Variants in SQSTM1 observed in about 807,000 individuals in gnomAD.
SQSTM1 encodes sequestosome 1, also known as sequestosome-1.
A neutral mutation model predicts 45.1 loss-of-function variants in SQSTM1; 36 were observed. That is an observed-to-expected ratio of 0.80 (90% CI 0.61 to 1.05). The LOEUF (loss-of-function observed/expected upper bound fraction) is 1.05, where lower values mean the gene tolerates loss of function less well. Ranked by LOEUF, SQSTM1 falls within the 50% of genes least tolerant of loss-of-function variation. The pLI, the probability that SQSTM1 is intolerant of heterozygous loss-of-function variation, is 0.00. For synonymous variants in SQSTM1, 290 were observed against 244.3 expected (o/e 1.19, Z -1.74); for missense variants, 617 against 607.1 (o/e 1.02, Z -0.17).
rs1017204017 is a variant in SQSTM1 at position 179,806,603 on chromosome 5, G to C, written c.-157+12G>C. 73 of 1,221,992 alleles carry C rather than the reference G, an allele frequency of 6.0e-5. No individual in the cohort carries two copies. The highest frequency in any genetic ancestry group is 4.6e-4 in the Middle Eastern group (2 of 4,302). The allele number at this position is 1,221,992 out of a possible 1,614,324, so 75.7% of individuals were successfully genotyped here. ...CCTCATCTCCTCGGGTGCGCGGCGG[G>C]CGCCCGCGGGGCCGAGGCTGCATGG... On this transcript the variant is annotated intron_variant, in intron 1 of 5. Transcript: ENST00000514093. The surrounding 1 kb of genome is among the most constrained non-coding windows in gnomAD (Gnocchi z 4.6).
chr5:179,808,505 G>A (rs1179048672), intron 1 of SQSTM1: 2 of 152,216 alleles, frequency 1.3e-5, no homozygotes, highest in Admixed American at 6.5e-5. Context: ...TTGTTAATGA[G>A]TTACTTAATG....
At chr5:179,829,847 A>G (rs945579158) in intron 5 of SQSTM1, among the ~76,000 whole-genome samples, 1 of 152,132 alleles carries the variant, frequency 6.6e-6, no homozygotes, top group Non-Finnish European at 1.5e-5. Flanking sequence ...TGTAATCCCA[A>G]CACTTTGGGA....
chr5:179,825,095 G>A, intron 4 of SQSTM1, 51 bp from the exon 5 acceptor site: 1 of 1,573,708 alleles, frequency 6.4e-7, no homozygotes, highest in Non-Finnish European at 8.7e-7. Flanking sequence ...GACTGTGACA[G>A]GTATCCAAGG....
rs537142935 is a variant in SQSTM1, at chr5:179,823,047, A to G, written c.295A>G (p.Ile99Val). The change falls in exon 2 of 8, where the codon ATT becomes GTT. Residue 99 changes from isoleucine to valine, a missense_variant. Transcript: ENST00000389805. Reference sequence around the variant, plus strand: ...GAAGGATGACATCTTCCGAATCTACATTAAAGGTAAGGGGCTGCTCTGGGG... The same window carrying G: ...GAAGGATGACATCTTCCGAATCTACGTTAAAGGTAAGGGGCTGCTCTGGGG... ...YVKDDIFRIY[I>V]KEKKECRRDH... is the part of the protein sequence containing the mutation. 1 of 1,614,002 alleles carries G rather than the reference A, an allele frequency of 6.2e-7. No individual in the cohort carries two copies. The highest frequency in any genetic ancestry group is 8.5e-7 in the Non-Finnish European group (1 of 1,179,924).
upstream of SQSTM1, chr5:179,820,556 G>A (rs1757734232): frequency 1.0e-5 from 2 of 191,206 alleles, no homozygotes; most frequent in Admixed American, 1.2e-4. Context: ...GGATATTGCT[G>A]AGTCATGGCC....
chr5:179,807,399 C>T (rs1427880233), intron 1 of SQSTM1: 1 of 152,254 alleles, frequency 6.6e-6, no homozygotes, highest in South Asian at 2.1e-4. Flanking sequence ...GACGGAGGCG[C>T]GCAGGGGCCC....
intron 5 of SQSTM1, among the ~76,000 whole-genome samples, chr5:179,831,248 TG>T (rs1758202209): frequency 6.6e-6 from 1 of 152,228 alleles, no homozygotes; most frequent in Non-Finnish European, 1.5e-5. Context: ...AACAGGAGGC[TG>T]CACAGCAAGC....
chr5:179,837,209 T>A lies in SQSTM1; in HGVS notation c.*616T>A, dbSNP rs772928838. On this transcript the variant is annotated 3_prime_UTR_variant, in exon 8 of 8. Transcript: ENST00000389805. ...TAAGATCTCTTTGTAGCCATCCTGT[T>A]AAATTTGTAAACAATCTAATTAAAT... 1 of 1,573,712 alleles carries A rather than the reference T, an allele frequency of 6.4e-7. No homozygotes were observed. The highest frequency in any genetic ancestry group is 1.1e-5 in the South Asian group (1 of 89,096).
At chr5:179,821,819 G>A (rs773706591) in intron 1 of SQSTM1, 3 of 296,588 alleles carry the variant, frequency 1.0e-5, no homozygotes, top group Non-Finnish European at 1.3e-5. Flanking sequence ...AGTGGCTGCT[G>A]GGGGTGGGGT....
chr5:179,825,020 A>C, intron 4 of SQSTM1, 126 bp from the exon 5 acceptor site: 2 of 877,810 alleles, frequency 2.3e-6, no homozygotes, highest in Non-Finnish European at 3.7e-6. Flanking sequence ...TGAGTGGGTC[A>C]CTGGACAAGA....
In SQSTM1 at chr5:179,837,674, A is replaced by G; in HGVS notation, c.*1081A>G. 1 of 1,614,170 alleles carries G rather than the reference A, an allele frequency of 6.2e-7. No individual in the cohort carries two copies. Among genetic ancestry groups the G allele is most frequent in the Non-Finnish European group, 8.5e-7 (1 of 1,180,026 alleles). The stretch of plus-strand genomic sequence containing the variant: ...ACCAGCTGGCCTGGGGTCCCTCTGA[A>G]GAGACCTTGGCTGCTCACTGTCCAC... On this transcript the variant is annotated 3_prime_UTR_variant, in exon 8 of 8. Coordinates refer to ENST00000389805, the MANE Select transcript of SQSTM1 (RefSeq NM_003900.5).
chr5:179,813,655 G>C (rs11745675), intron 2 of SQSTM1: 48,734 of 151,960 alleles, frequency 0.32, 9,728 homozygotes, highest in South Asian at 0.53. Context: ...AGTCCTAGCT[G>C]CTCAGGGGGT....
chr5:179,806,897 CGGGCCGGGCTGGGCTGGGCT>C lies in SQSTM1; in HGVS notation c.-157+311_-157+330del, dbSNP rs1166195443. On this transcript the variant is annotated intron_variant, in intron 1 of 5. Coordinates refer to the SQSTM1 transcript ENST00000514093. The surrounding 1 kb of genome is among the most constrained non-coding windows in gnomAD (Gnocchi z 4.6). ...CCTCGCCTCCGCGGCAGGGCCGGGC[CGGGCCGGGCTGGGCTGGGCT>C]GGGCGGCGAGAGCCGCGGCCCGGCC... The C allele has an allele frequency of 2.0e-4, 30 of 150,910 alleles. No individual in the cohort carries two copies. The highest frequency in any genetic ancestry group is 7.3e-4 in the African/African-American group (30 of 41,324). 9.3% of individuals were successfully genotyped at this position (150,910 alleles called of 1,614,324 possible). A position where few individuals can be genotyped will look rare whatever the true frequency, so the allele number is the denominator to read the frequency against.
At chr5:179,835,009 CG>C in intron 7 of SQSTM1, 1 of 219,592 alleles carries the variant, frequency 4.6e-6, no homozygotes, top group South Asian at 4.6e-5. Flanking sequence ...ACATCCCGGA[CG>C]GGGTGGCTGC....
intron 5 of SQSTM1, among the ~76,000 whole-genome samples, chr5:179,827,579 C>T (rs1056657707): frequency 6.6e-5 from 10 of 152,192 alleles, no homozygotes; most frequent in Non-Finnish European, 8.8e-5. Flanking sequence ...CCACTGCACC[C>T]GGCCCTCAGA....
intron 7 of SQSTM1, among the ~76,000 whole-genome samples, chr5:179,834,152 T>A (rs1464706756): frequency 1.6e-4 from 10 of 64,282 alleles, no homozygotes; most frequent in Admixed American, 4.2e-4. Flanking sequence ...AGTGCTGGTC[T>A]GAGAGGGGGG....
chr5:179,833,047 T>C lies in SQSTM1; in HGVS notation c.770T>C (p.Ile257Thr), dbSNP rs745788957. 3.7e-6 allele frequency: 6 copies of C among 1,613,992 alleles called. No individual in the cohort carries two copies. The highest frequency in any genetic ancestry group is 3.3e-5 in the Admixed American group (2 of 59,992). The change falls in exon 6 of 8, where the codon ATC becomes ACC. Residue 257 changes from isoleucine to threonine, a missense_variant. Ile to Thr is a moderately conservative substitution (Grantham distance 89). Coordinates refer to ENST00000389805, the MANE Select transcript of SQSTM1 (RefSeq NM_003900.5). ...CCGCCTCTAGGCATTGAAGTTGATA[T>C]CGATGTGGAGCACGGAGGGAAAAGA... Reference protein sequence around the residue: ...ALSPLGIEVDIDVEHGGKRSR... With the variant: ...ALSPLGIEVDTDVEHGGKRSR...
intron 1 of SQSTM1, among the ~76,000 whole-genome samples, chr5:179,809,637 C>T (rs1479127047): frequency 1.3e-5 from 1 of 77,648 alleles, no homozygotes; most frequent in Non-Finnish European, 2.4e-5. Context: ...GCGCCTGGCC[C>T]TTTTTTTTTT....
At chr5:179,812,010 T>C (rs1276650578) in intron 2 of SQSTM1, 1 of 152,092 alleles carries the variant, frequency 6.6e-6, no homozygotes, top group Non-Finnish European at 1.5e-5. Context: ...TTCACCGTGT[T>C]AGCCAGGATG....
Sources: gnomAD v4.1 joint callset for allele counts (sites outside exome capture counted in the v4.1 genomes callset) on GRCh38, gnomAD v4.1.1 for gene constraint, Gnocchi (gnomAD v3.1) non-coding constraint, MANE v1.5 for transcripts, NCBI Gene and HGNC (gene_info 2026-07-23, HGNC 2026-07-21) for gene names.